ST6GALNAC5: variants seen among roughly 807,000 people sequenced by gnomAD.
ST6GALNAC5 encodes the protein ST6 N-acetylgalactosaminide alpha-2,6-sialyltransferase 5, also known as alpha-N-acetylgalactosaminide alpha-2,6-sialyltransferase 5.
In ST6GALNAC5, 27 loss-of-function variants were observed where a neutral mutation model predicts 33.6. The observed-to-expected ratio is 0.80, with a 90% CI of 0.59 to 1.11. The LOEUF is 1.11. ST6GALNAC5 is among the 50% of genes least tolerant of loss of function. The probability of loss-of-function intolerance (pLI) is 0.00; values close to 1 mark genes in which losing one functional copy is unlikely to be tolerated. For missense variants in ST6GALNAC5, 428 were observed against 454.0 expected, an observed-to-expected ratio of 0.94 and a Z score of 0.52; for synonymous variants, 194 against 171.2, an observed-to-expected ratio of 1.13 and a Z score of -1.04.
intron 2 of ST6GALNAC5, among the ~76,000 whole-genome samples, chr1:76,948,174 G>C (rs1647596860): frequency 6.6e-6 from 1 of 152,118 alleles, no homozygotes; most frequent in African/African-American, 2.4e-5. Flanking sequence ...TGTCTATAAG[G>C]GCCAGGTTTA....
In ST6GALNAC5 at chr1:76,984,373, A is replaced by G. The variant is rs533436530; in HGVS notation, c.262-59831A>G. Among the ~76,000 whole-genome samples, 4 of 152,348 alleles carry G rather than the reference A, an allele frequency of 2.6e-5. No individual in the cohort carries two copies. In the East Asian group the frequency reaches 7.7e-4, roughly 29 times the overall value. Reference sequence around the variant, plus strand: ...ACAGAAATACAAACTACCATCAGAGAATACTATAAACACCTCTACAAAAAT... The same window carrying G: ...ACAGAAATACAAACTACCATCAGAGGATACTATAAACACCTCTACAAAAAT... On this transcript the variant is annotated intron_variant, in intron 2 of 4. Coordinates refer to ENST00000477717, the MANE Select transcript of ST6GALNAC5 (RefSeq NM_030965.3).
intron 2 of ST6GALNAC5, among the ~76,000 whole-genome samples, chr1:76,899,035 A>C (rs996360226): frequency 6.6e-6 from 1 of 152,190 alleles, no homozygotes; most frequent in Non-Finnish European, 1.5e-5. Context: ...CAGGCACCTC[A>C]GACCGTTTGC....
chr1:76,870,858 TCAC>T (rs1214993238), intron 2 of ST6GALNAC5, among the ~76,000 whole-genome samples: 1 of 152,172 alleles, frequency 6.6e-6, no homozygotes. Context: ...GGAGTTCACG[TCAC>T]CACAAGCAAA....
At chr1:76,971,170 A>G (rs993574570) in intron 2 of ST6GALNAC5, among the ~76,000 whole-genome samples, 2 of 152,174 alleles carry the variant, frequency 1.3e-5, no homozygotes, top group African/African-American at 4.8e-5. Flanking sequence ...AGAGTAAGGA[A>G]TTTCTCTCCT....
intron 2 of ST6GALNAC5, among the ~76,000 whole-genome samples, chr1:76,878,076 G>A (rs1226934148): frequency 1.3e-5 from 2 of 152,198 alleles, no homozygotes; most frequent in African/African-American, 4.8e-5. Flanking sequence ...AGGCGAAATG[G>A]GAGAGTTGAA....
intron 2 of ST6GALNAC5, among the ~76,000 whole-genome samples, chr1:76,939,545 A>C (rs1647277671): frequency 6.6e-6 from 1 of 152,096 alleles, no homozygotes; most frequent in Non-Finnish European, 1.5e-5. Context: ...ATGGTCCACA[A>C]AATGTGAATT....
intron 2 of ST6GALNAC5, among the ~76,000 whole-genome samples, chr1:76,906,682 A>T (rs1409683993): frequency 2.0e-5 from 3 of 152,162 alleles, no homozygotes; most frequent in Non-Finnish European, 2.9e-5. Context: ...GAAGGTGTAT[A>T]TGTTTGGAAA....
chr1:76,906,730 T>G (rs975827877), intron 2 of ST6GALNAC5, among the ~76,000 whole-genome samples: 1 of 152,166 alleles, frequency 6.6e-6, no homozygotes, highest in Non-Finnish European at 1.5e-5. Flanking sequence ...GTGTATAAAT[T>G]AATGCAAGAT....
At chr1:76,937,838 A>G (rs1443204772) in intron 2 of ST6GALNAC5, among the ~76,000 whole-genome samples, 4 of 152,056 alleles carry the variant, frequency 2.6e-5, no homozygotes, top group Admixed American at 1.3e-4. Context: ...CTGTATTCCA[A>G]TTTGAACGCC....
At chr1:77,059,681 C>A (rs1319542295) in intron 4 of ST6GALNAC5, among the ~76,000 whole-genome samples, 1 of 152,052 alleles carries the variant, frequency 6.6e-6, no homozygotes. Flanking sequence ...ATGCAGGTAG[C>A]CTATTTCTCC....
intron 2 of ST6GALNAC5, among the ~76,000 whole-genome samples, chr1:76,988,323 A>G (rs1487219197): frequency 6.6e-6 from 1 of 151,952 alleles, no homozygotes; most frequent in Admixed American, 6.6e-5. Context: ...GTCCTTGCCA[A>G]TATTTTAATT....
chr1:76,923,721 A>G (rs1647057425), intron 2 of ST6GALNAC5, among the ~76,000 whole-genome samples: 1 of 151,930 alleles, frequency 6.6e-6, no homozygotes, highest in Admixed American at 6.6e-5. Context: ...AAAAAAACAA[A>G]CAAACAAAAA....
intron 2 of ST6GALNAC5, among the ~76,000 whole-genome samples, chr1:77,040,601 C>G (rs1651800266): frequency 6.6e-6 from 1 of 152,156 alleles, no homozygotes; most frequent in Non-Finnish European, 1.5e-5. Context: ...TTGGAAGGCC[C>G]CTAAGGCGAT....
chr1:76,873,542 C>T (rs1252946066), intron 2 of ST6GALNAC5, among the ~76,000 whole-genome samples: 6 of 152,122 alleles, frequency 3.9e-5, no homozygotes, highest in Non-Finnish European at 2.9e-5. Context: ...AAGGACAGAC[C>T]TACTTACCTA....
At chr1:77,060,814 CCTAA>C (rs751549385) in intron 4 of ST6GALNAC5, among the ~76,000 whole-genome samples, 4 of 152,036 alleles carry the variant, frequency 2.6e-5, no homozygotes, top group East Asian at 1.9e-4. Flanking sequence ...TTTTTAGAAA[CCTAA>C]CTGTTTCTTT....
At chr1:76,951,460 A>G (rs1231825178) in intron 2 of ST6GALNAC5, among the ~76,000 whole-genome samples, 2 of 152,060 alleles carry the variant, frequency 1.3e-5, no homozygotes, top group African/African-American at 2.4e-5. Flanking sequence ...AACATCACAC[A>G]CTGGGGCCTG....
intron 2 of ST6GALNAC5, among the ~76,000 whole-genome samples, chr1:76,945,657 C>T (rs1433026170): frequency 6.6e-6 from 1 of 152,064 alleles, no homozygotes; most frequent in Non-Finnish European, 1.5e-5. Flanking sequence ...TTTACTTTCT[C>T]ATGAAGGAGA....
rs1653403563 is a variant in ST6GALNAC5 at position 76,868,427 on chromosome 1, C to A, written c.16-70C>A. 2.6e-6 allele frequency: 4 copies of A among 1,536,436 alleles called. No individual in the cohort carries two copies. Among genetic ancestry groups the A allele is most frequent in the Non-Finnish European group, 3.5e-6 (4 of 1,139,800 alleles). ...ACTAGAGTGACCACCGCACAGTTGT[C>A]CCCGCTGGGCGCGCTCCTCCGGTGT... is the stretch of plus-strand genomic sequence containing the variant. On this transcript the variant is annotated intron_variant, in intron 1 of 4. Coordinates refer to ENST00000477717, the MANE Select transcript of ST6GALNAC5 (RefSeq NM_030965.3). The surrounding 1 kb of genome is among the most constrained non-coding windows in gnomAD (Gnocchi z 4.3).
intron 2 of ST6GALNAC5, among the ~76,000 whole-genome samples, chr1:77,003,610 G>A (rs1411777214): frequency 6.6e-6 from 1 of 151,992 alleles, no homozygotes; most frequent in Non-Finnish European, 1.5e-5. Flanking sequence ...ATTTTGGCAT[G>A]ATTTTGCAGC....
Sources: allele counts gnomAD v4.1 joint callset (sites outside exome capture counted in the v4.1 genomes callset), GRCh38; gene constraint gnomAD v4.1.1; non-coding constraint Gnocchi (gnomAD v3.1); transcripts MANE v1.5; gene names NCBI Gene and HGNC (gene_info 2026-07-23, HGNC 2026-07-21).